DISP1: variants seen among roughly 807,000 people sequenced by gnomAD.
DISP1 encodes protein dispatched homolog 1.
DISP1 carries 30 observed loss-of-function variants against 37.3 expected under a neutral mutation model. The ratio of observed to expected loss-of-function variants is 0.80; its 90% CI spans 0.60 to 1.09. The LOEUF is 1.09. Ranked by LOEUF, DISP1 falls within the 50% of genes least tolerant of loss-of-function variation. DISP1 has a pLI of 0.00. For synonymous variants in DISP1, 634 were observed against 690.2 expected (o/e 0.92, Z 1.28); for missense variants, 1,598 against 1,879.5 (o/e 0.85, Z 2.77).
chr1:222,820,802 C>A (rs912735534), intron 1 of DISP1, among the ~76,000 whole-genome samples: 2 of 152,108 alleles, frequency 1.3e-5, no homozygotes, highest in African/African-American at 4.8e-5. Context: ...TAGCATAATG[C>A]CTGCCACATA....
At chr1:222,997,030 CTCTG>C (rs1274005214) in intron 8 of DISP1, among the ~76,000 whole-genome samples, 1 of 149,148 alleles carries the variant, frequency 6.7e-6, no homozygotes, top group Non-Finnish European at 1.5e-5. Context: ...TCTCCTCTCT[CTCTG>C]TCTCTCTCTC....
At chr1:222,983,242 C>A in intron 4 of DISP1, 133 bp downstream of exon 4, 2 of 775,570 alleles carry the variant, frequency 2.6e-6, no homozygotes, top group African/African-American at 1.7e-5. Context: ...AAGAAATGTC[C>A]CATGAGTTGG....
intron 3 of DISP1, 30 bp from the exon 4 acceptor site, chr1:222,983,050 T>C (rs202083618): frequency 5.1e-6 from 8 of 1,567,086 alleles, no homozygotes; most frequent in Non-Finnish European, 7.0e-6. Flanking sequence ...CTGTTTTTGA[T>C]CATTTTTCCT....
chr1:222,824,477 G>A (rs1663783024), intron 1 of DISP1, among the ~76,000 whole-genome samples: 1 of 152,168 alleles, frequency 6.6e-6, no homozygotes, highest in African/African-American at 2.4e-5. Context: ...CACCTTAAAT[G>A]ATTTGGTGCT....
intron 2 of DISP1, among the ~76,000 whole-genome samples, chr1:222,942,449 G>T (rs1357169415): frequency 6.6e-6 from 1 of 152,038 alleles, no homozygotes; most frequent in African/African-American, 2.4e-5. Flanking sequence ...TTGTTGAAAA[G>T]CTAAAGGATG....
At chr1:222,982,158 CAT>C (rs1243047008) in intron 3 of DISP1, among the ~76,000 whole-genome samples, 1 of 152,192 alleles carries the variant, frequency 6.6e-6, no homozygotes, top group Non-Finnish European at 1.5e-5. Flanking sequence ...ATCTCTTTGA[CAT>C]GTGGCTTACT....
At chr1:222,966,378 G>T (rs187464798) in intron 3 of DISP1, among the ~76,000 whole-genome samples, 2 of 152,206 alleles carry the variant, frequency 1.3e-5, no homozygotes, top group Admixed American at 1.3e-4. Flanking sequence ...GCCTTCTACA[G>T]GTTATATAAG....
At chr1:222,842,169 T>G (rs1374684944) in intron 1 of DISP1, among the ~76,000 whole-genome samples, 1 of 152,124 alleles carries the variant, frequency 6.6e-6, no homozygotes, top group Non-Finnish European at 1.5e-5. Context: ...AAATTCACAC[T>G]TTATTTACTG....
At chr1:222,837,338 C>T (rs1272814089) in intron 1 of DISP1, 3 of 357,590 alleles carry the variant, frequency 8.4e-6, no homozygotes, top group Non-Finnish European at 1.5e-5. Context: ...TATCCACTTA[C>T]TTTTGTACTG....
intron 1 of DISP1, among the ~76,000 whole-genome samples, chr1:222,878,843 A>G (rs903405724): frequency 6.6e-6 from 1 of 152,162 alleles, no homozygotes; most frequent in Admixed American, 6.5e-5. Flanking sequence ...TCTTTAAGGG[A>G]GCTTAAAAAG....
At chr1:222,844,057 C>CTTTGTT (rs71301073) in intron 1 of DISP1, among the ~76,000 whole-genome samples, 31,404 of 151,946 alleles carry the variant, frequency 0.21, 3,540 homozygotes, top group Non-Finnish European at 0.24. Context: ...ATTCTCCAGT[C>CTTTGTT]TTTGTATTTT....
chr1:222,950,385 G>C (rs1296324615), intron 3 of DISP1, among the ~76,000 whole-genome samples: 2 of 152,186 alleles, frequency 1.3e-5, no homozygotes, highest in Non-Finnish European at 2.9e-5. Context: ...CGGATCATGA[G>C]GTCAGGAGAT....
At chr1:222,906,840 T>C (rs1671924011) in intron 1 of DISP1, among the ~76,000 whole-genome samples, 2 of 152,344 alleles carry the variant, frequency 1.3e-5, no homozygotes, top group South Asian at 4.1e-4. Context: ...TTGCTTTCAT[T>C]TTGCTTTGTG....
intron 1 of DISP1, among the ~76,000 whole-genome samples, chr1:222,843,981 T>TA (rs1266747860): frequency 6.6e-6 from 1 of 152,168 alleles, no homozygotes; most frequent in Non-Finnish European, 1.5e-5. Context: ...CCCATGGAAT[T>TA]ACGATAGTCC....
At chr1:222,999,486 A>G (rs1679293472) in intron 8 of DISP1, among the ~76,000 whole-genome samples, 1 of 152,148 alleles carries the variant, frequency 6.6e-6, no homozygotes, top group Non-Finnish European at 1.5e-5. Context: ...ACACATGACT[A>G]AGTTAGTGCC....
intron 1 of DISP1, among the ~76,000 whole-genome samples, chr1:222,830,461 A>G (rs1005164889): frequency 6.6e-6 from 1 of 151,444 alleles, no homozygotes; most frequent in Non-Finnish European, 1.5e-5. Context: ...GCTCCCTGCA[A>G]TCTCCACCTC....
chr1:222,936,734 A>ATC (rs1491238251), intron 2 of DISP1, among the ~76,000 whole-genome samples: 47 of 97,778 alleles, frequency 4.8e-4, no homozygotes, highest in African/African-American at 1.9e-3. Context: ...TATGATATAT[A>ATC]AAAATTATAT....
chr1:222,919,585 C>T (rs1027451922), intron 1 of DISP1, among the ~76,000 whole-genome samples: 1 of 152,176 alleles, frequency 6.6e-6, no homozygotes, highest in Non-Finnish European at 1.5e-5. Flanking sequence ...CTGCGTCTGT[C>T]CCCCTTCGTT....
intron 1 of DISP1, among the ~76,000 whole-genome samples, chr1:222,890,505 A>G (rs572700987): frequency 2.6e-5 from 4 of 152,290 alleles, no homozygotes; most frequent in South Asian, 2.1e-4. Flanking sequence ...AGGAAAAGCA[A>G]TGAGTGTTTA....
Sources: allele counts gnomAD v4.1 joint callset (sites outside exome capture counted in the v4.1 genomes callset), GRCh38; gene constraint gnomAD v4.1.1; transcripts MANE v1.5; gene names NCBI Gene and HGNC (gene_info 2026-07-23, HGNC 2026-07-21).